The following MS4A4A variants were observed in gnomAD, a reference collection of about 807,000 sequenced individuals.
MS4A4A encodes the protein membrane spanning 4-domains A4A.
Under a neutral mutation model 28.0 loss-of-function variants are expected in MS4A4A, and 26 were observed. The observed-to-expected ratio is 0.93, with a 90% CI of 0.68 to 1.29. The LOEUF is 1.29. Among genes scored for constraint, MS4A4A ranks in the 50% most tolerant of loss-of-function variants. The pLI is 0.00. For synonymous variants in MS4A4A, 86 were observed against 100.8 expected (o/e 0.85, Z 0.88); for missense variants, 290 against 293.1 (o/e 0.99, Z 0.08).
chr11:60,301,535 T>G (rs1175307729), intron 4 of MS4A4A, among the ~76,000 whole-genome samples: 2 of 152,232 alleles, frequency 1.3e-5, no homozygotes, highest in Non-Finnish European at 2.9e-5. Context: ...AAGATGCCTT[T>G]CATAAAGCCA....
chr11:60,298,653 A>G (rs1053123590), intron 3 of MS4A4A, among the ~76,000 whole-genome samples: 2 of 152,212 alleles, frequency 1.3e-5, no homozygotes, highest in Non-Finnish European at 2.9e-5. Context: ...AATTGCATAC[A>G]TCTAACTACT....
intron 1 of MS4A4A, among the ~76,000 whole-genome samples, chr11:60,284,722 T>A (rs1161225161): frequency 6.6e-6 from 1 of 152,244 alleles, no homozygotes; most frequent in Non-Finnish European, 1.5e-5. Context: ...TCACATGCTA[T>A]GGAGTAGGTA....
intron 5 of MS4A4A, among the ~76,000 whole-genome samples, chr11:60,303,066 C>G (rs1456413621): frequency 1.3e-5 from 2 of 152,138 alleles, no homozygotes; most frequent in Non-Finnish European, 2.9e-5. Flanking sequence ...TGATGTCAGT[C>G]CCTATTCTCT....
chr11:60,299,448 CTTTTTTTTT>C (rs5792179), intron 3 of MS4A4A, among the ~76,000 whole-genome samples: 1 of 113,236 alleles, frequency 8.8e-6, no homozygotes, highest in African/African-American at 3.4e-5. Context: ...AATTACAATT[CTTTTTTTTT>C]TTTTTTTTTT....
chr11:60,296,870 G>T (rs1438035110), intron 2 of MS4A4A: 3 of 286,962 alleles, frequency 1.0e-5, no homozygotes, highest in South Asian at 3.5e-5. Flanking sequence ...ATAATTCCTA[G>T]GCCACTTCTC....
intron 3 of MS4A4A, 32 bp from the exon 4 acceptor site, chr11:60,300,969 T>A: frequency 6.5e-7 from 1 of 1,547,330 alleles, no homozygotes; most frequent in Non-Finnish European, 8.8e-7. Flanking sequence ...TGGCTTAAAG[T>A]TTTTTACCTT....
intron 1 of MS4A4A, chr11:60,282,836 G>T: frequency 1.1e-6 from 1 of 873,458 alleles, no homozygotes; most frequent in Non-Finnish European, 1.5e-6. Context: ...TATAAAAGAA[G>T]GCTTTTAAAG....
At chr11:60,307,948 T>A (rs1233383737) in intron 6 of MS4A4A, among the ~76,000 whole-genome samples, 159 bp from the exon 7 acceptor site, 1 of 152,170 alleles carries the variant, frequency 6.6e-6, no homozygotes, top group Non-Finnish European at 1.5e-5. Flanking sequence ...AAATCAGGCC[T>A]GATCAAGAGA....
intron 1 of MS4A4A, chr11:60,282,645 A>T (rs1299771520): frequency 2.3e-6 from 3 of 1,286,586 alleles, no homozygotes; most frequent in Non-Finnish European, 3.0e-6. Context: ...ATATATGCAG[A>T]TGTCTCAATA....
intron 3 of MS4A4A, among the ~76,000 whole-genome samples, chr11:60,300,595 G>C (rs1284536597): frequency 1.7e-5 from 2 of 116,678 alleles, no homozygotes; most frequent in Non-Finnish European, 3.3e-5. Flanking sequence ...CAGCCTGGGC[G>C]ACAGAGCGAG....
chr11:60,304,592 T>A (rs1305279911), intron 5 of MS4A4A, among the ~76,000 whole-genome samples: 2 of 152,262 alleles, frequency 1.3e-5, no homozygotes, highest in Non-Finnish European at 2.9e-5. Flanking sequence ...CAGGTCTATA[T>A]ACATGCTACC....
chr11:60,292,200 T>A (rs774937570), intron 1 of MS4A4A, 25 bp from the exon 2 acceptor site: 1 of 1,520,516 alleles, frequency 6.6e-7, no homozygotes, highest in Non-Finnish European at 8.8e-7. Flanking sequence ...CAGGACATCA[T>A]ACTAAATTAC....
chr11:60,299,197 T>C (rs1296006878), intron 3 of MS4A4A, among the ~76,000 whole-genome samples: 1 of 152,202 alleles, frequency 6.6e-6, no homozygotes, highest in Non-Finnish European at 1.5e-5. Context: ...TTTATGGTAA[T>C]TTTTAGTTCA....
chr11:60,292,966 C>A (rs936118479), intron 2 of MS4A4A, among the ~76,000 whole-genome samples: 1 of 152,112 alleles, frequency 6.6e-6, no homozygotes, highest in African/African-American at 2.4e-5. Context: ...CCTTTTTTCA[C>A]ATTATTCATT....
chr11:60,303,376 C>T (rs2084969934), intron 5 of MS4A4A, among the ~76,000 whole-genome samples: 1 of 152,266 alleles, frequency 6.6e-6, no homozygotes, highest in Non-Finnish European at 1.5e-5. Context: ...TATTGCAGCA[C>T]ATCACAGCAG....
chr11:60,280,824 C>A, intron 1 of MS4A4A, 108 bp downstream of exon 1: 1 of 1,312,404 alleles, frequency 7.6e-7, no homozygotes, highest in African/African-American at 1.5e-5. Flanking sequence ...GGCCACTTCC[C>A]ATGACCCAAG....
chr11:60,296,665 G>A (rs1373308130), intron 2 of MS4A4A, among the ~76,000 whole-genome samples: 1 of 152,078 alleles, frequency 6.6e-6, no homozygotes, highest in East Asian at 1.9e-4. Flanking sequence ...ATAAGTTGTT[G>A]AAATGTTTTT....
intron 3 of MS4A4A, among the ~76,000 whole-genome samples, chr11:60,300,768 A>G (rs1328514929): frequency 6.6e-6 from 1 of 151,986 alleles, no homozygotes; most frequent in African/African-American, 2.4e-5. Context: ...AACAGTTTTA[A>G]TATCATTTCA....
rs796823832 is a variant in MS4A4A, at chr11:60,294,952, A to C, written c.202-2245A>C. Among the ~76,000 whole-genome samples the C allele has an allele frequency of 9.9e-5, 5 of 50,542 alleles. No individual in the cohort carries two copies. In the East Asian group the frequency reaches 3.5e-3, roughly 36 times the overall value. The allele number at this position is 50,542 out of a possible 152,430, so 33.2% of individuals were successfully genotyped here. On this transcript the variant is annotated intron_variant, in intron 2 of 6. Coordinates refer to ENST00000337908, the MANE Select transcript of MS4A4A (RefSeq NM_148975.3). ...TTCTTCTTCTTCTTCTTCTTCTTCT[A>C]GATTGTGTTTGCTATTCTGAGTTTT...
Sources: gnomAD v4.1 joint callset for allele counts (sites outside exome capture counted in the v4.1 genomes callset) on GRCh38, gnomAD v4.1.1 for gene constraint, MANE v1.5 for transcripts, NCBI Gene and HGNC (gene_info 2026-07-23, HGNC 2026-07-21) for gene names.